NUB1: variants seen among roughly 807,000 people sequenced by gnomAD.
The protein encoded by NUB1 is NEDD8 ultimate buster 1.
In NUB1, 41 loss-of-function variants were observed where a neutral mutation model predicts 77.1. That is an observed-to-expected ratio of 0.53 (90% confidence interval 0.41 to 0.69). The LOEUF (loss-of-function observed/expected upper bound fraction) is 0.69. NUB1 is among the 30% of genes least tolerant of loss of function. The probability of loss-of-function intolerance (pLI) is 0.00; values close to 1 mark genes in which losing one functional copy is unlikely to be tolerated. For synonymous variants in NUB1, 257 were observed against 281.0 expected, an observed-to-expected ratio of 0.91 and a Z score of 0.85; for missense variants, 643 against 743.8, an observed-to-expected ratio of 0.86 and a Z score of 1.58.
At chr7:151,364,992 A>T (rs1290295273) in intron 8 of NUB1, among the ~76,000 whole-genome samples, 19 of 146,096 alleles carry the variant, frequency 1.3e-4, no homozygotes, top group Admixed American at 5.5e-4. Context: ...TATTTTTATA[A>T]TTTTTTTTTT....
chr7:151,353,832 C>T (rs1584944488), intron 5 of NUB1, among the ~76,000 whole-genome samples: 4 of 152,192 alleles, frequency 2.6e-5, no homozygotes, highest in Admixed American at 2.0e-4. Flanking sequence ...TAAGACAGCC[C>T]TTCACAGCTC....
rs540406081 is a variant in NUB1 at position 151,359,293 on chromosome 7, A to G, written c.694-848A>G. On this transcript the variant is annotated intron_variant, in intron 7 of 14. Coordinates refer to ENST00000568733, the MANE Select transcript of NUB1 (RefSeq NM_001243351.2). ...CTCTACTAAAAATACAAAAAAAAAA[A>G]TTAGCCAGGCGTGGTGGTGGGTACC... is the stretch of plus-strand genomic sequence containing the variant. Among the ~76,000 whole-genome samples the G allele has an allele frequency of 4.7e-5, 7 of 150,258 alleles. No individual in the cohort carries two copies. In the South Asian group the frequency reaches 1.5e-3, roughly 32 times the overall value.
intron 12 of NUB1, chr7:151,374,584 A>C: frequency 2.6e-6 from 1 of 383,586 alleles, no homozygotes; most frequent in East Asian, 4.8e-5. Context: ...TGGGAATTCA[A>C]CTTGTAGTAT....
At chr7:151,344,103 C>T (rs1393354133) in intron 1 of NUB1, among the ~76,000 whole-genome samples, 1 of 137,652 alleles carries the variant, frequency 7.3e-6, no homozygotes, top group Non-Finnish European at 1.5e-5. Context: ...ATGGCGTGAA[C>T]CCGGGAGGCG....
chr7:151,372,956 G>A lies in NUB1; in HGVS notation c.1249-1141G>A, dbSNP rs538481853. On this transcript the variant is annotated intron_variant, in intron 11 of 14. Transcript: ENST00000568733. ...AGAGACAGGCCATGAGTCTACAGAT[G>A]TCTTCATCCCTGGAGATGTTTCCAG... Among the ~76,000 whole-genome samples, 70 of 152,296 alleles carry A rather than the reference G, an allele frequency of 4.6e-4. 1 individual carries two copies. In the South Asian group the frequency reaches 0.014, roughly 30 times the overall value.
intron 12 of NUB1, among the ~76,000 whole-genome samples, chr7:151,375,503 G>A (rs904937389): frequency 2.0e-5 from 3 of 152,196 alleles, no homozygotes; most frequent in African/African-American, 7.2e-5. Context: ...AGGGCATGAC[G>A]CTTTCAAAGA....
In NUB1 at chr7:151,368,878, C is replaced by T; in HGVS notation, c.1239C>T (p.Asn413=). 6.2e-7 allele frequency: 1 copy of T among 1,612,408 alleles called. No homozygotes were observed. Among genetic ancestry groups the T allele is most frequent in the Non-Finnish European group, 8.5e-7 (1 of 1,179,276 alleles). Residue 413 remains asparagine (N), a synonymous_variant, in exon 11 of 15, where the codon AAC becomes AAT. Transcript: ENST00000568733. ...NVDHAATHIT[N]RREELAQIRK... ...ATCATGCGGCCACTCATATTACCAA[C>T]CGCAGAGAGGTACCCACTTTCACAT...
chr7:151,352,493 A>G (rs1796859468), intron 4 of NUB1: 1 of 307,376 alleles, frequency 3.3e-6, no homozygotes, highest in Non-Finnish European at 6.2e-6. Flanking sequence ...ACCCAAGCTG[A>G]AGCACAGTGG....
intron 1 of NUB1, among the ~76,000 whole-genome samples, chr7:151,342,487 C>A (rs1263861334): frequency 1.3e-5 from 2 of 152,194 alleles, no homozygotes; most frequent in Non-Finnish European, 2.9e-5. Flanking sequence ...TATAACGTTT[C>A]ACTTTCTGCT....
Position 151,376,753 on chromosome 7 carries a change from G to T in NUB1, c.1611G>T (p.Leu537=). 1.3e-6 allele frequency: 2 copies of T among 1,595,970 alleles called. No homozygotes were observed. Among genetic ancestry groups the T allele is most frequent in the Non-Finnish European group, 1.7e-6 (2 of 1,172,438 alleles). ...AHNGGSLPPE[L]PLSPEDSLSP... Reference sequence around the variant, plus strand: ...ACGGAGGAAGCCTGCCTCCCGAGCTGCCGCTGTCGCCAGAAGACTCTTTGT... The same window carrying T: ...ACGGAGGAAGCCTGCCTCCCGAGCTTCCGCTGTCGCCAGAAGACTCTTTGT... Residue 537 remains leucine, a synonymous_variant, in exon 14 of 15, where the codon CTG becomes CTT. Coordinates refer to ENST00000568733, the MANE Select transcript of NUB1 (RefSeq NM_001243351.2).
At chr7:151,344,661 T>TGTGAAA (rs1796395986) in intron 1 of NUB1, among the ~76,000 whole-genome samples, 1 of 151,780 alleles carries the variant, frequency 6.6e-6, no homozygotes, top group Non-Finnish European at 1.5e-5. Flanking sequence ...CAAGCTTTTC[T>TGTGAAA]TTATATTTAA....
At chr7:151,374,557 C>T (rs113373222) in intron 12 of NUB1, 51 of 419,196 alleles carry the variant, frequency 1.2e-4, no homozygotes, top group Middle Eastern at 6.4e-4. Context: ...GCAGTTTCCA[C>T]GGCAGAAAAA....
In NUB1 at chr7:151,349,218, T is replaced by TC. The variant is rs1206562825; in HGVS notation, c.263_264insC (p.Leu89PhefsTer9). On this transcript the variant is annotated frameshift_variant, in exon 3 of 15. Transcript: ENST00000568733. LOFTEE classifies it high-confidence loss of function. ...ACGGGAATTGCTACAATCGAGGTGT[T>TC]TTTACCACCAAGACTAAAAAAAGTG... The TC allele has an allele frequency of 6.2e-7, 1 of 1,611,404 alleles. No individual in the cohort carries two copies. Among genetic ancestry groups the TC allele is most frequent in the East Asian group, 2.2e-5 (1 of 44,842 alleles).
intron 11 of NUB1, among the ~76,000 whole-genome samples, chr7:151,373,306 TTTG>T (rs1306048196): frequency 6.6e-6 from 1 of 152,238 alleles, no homozygotes; most frequent in African/African-American, 2.4e-5. Flanking sequence ...TCAAACTTGC[TTTG>T]TTGTTGTTGT....
At chr7:151,358,166 G>A (rs1304957095) in intron 7 of NUB1, among the ~76,000 whole-genome samples, 1 of 151,320 alleles carries the variant, frequency 6.6e-6, no homozygotes, top group Admixed American at 6.6e-5. Flanking sequence ...GTAGAGACGG[G>A]GTTTCACCAT....
At chr7:151,353,122 A>G (rs1796896182) in intron 5 of NUB1, among the ~76,000 whole-genome samples, 1 of 152,224 alleles carries the variant, frequency 6.6e-6, no homozygotes, top group South Asian at 2.1e-4. Flanking sequence ...ATAAAATGTT[A>G]GAGAATGGAA....
chr7:151,364,442 C>A lies in NUB1; in HGVS notation c.801-2497C>A, dbSNP rs77063105. 3.9e-4 allele frequency among the ~76,000 whole-genome samples: 47 copies of A among 119,876 alleles called. No homozygotes were observed. In the East Asian group the frequency reaches 6.3e-3, roughly 16 times the overall value. The allele number at this position is 119,876 out of a possible 152,430, so 78.6% of individuals were successfully genotyped here. On this transcript the variant is annotated intron_variant, in intron 8 of 14. Transcript: ENST00000568733. Reference sequence around the variant, plus strand: ...TCTCAAAAACAAAAACAAAAAAAAACAAAAAAAAAAACAAAAAAACTGTAA... The same window carrying A: ...TCTCAAAAACAAAAACAAAAAAAAAAAAAAAAAAAAACAAAAAAACTGTAA...
At chr7:151,356,909 G>C (rs1400186766) in intron 7 of NUB1, among the ~76,000 whole-genome samples, 1 of 152,206 alleles carries the variant, frequency 6.6e-6, no homozygotes, top group East Asian at 1.9e-4. Flanking sequence ...TAGAGACAGG[G>C]TTTCTCCATG....
chr7:151,345,405 G>T lies in NUB1; in HGVS notation c.56G>T (p.Arg19Met), dbSNP rs752053676. 41 of 1,612,648 alleles carry T rather than the reference G, an allele frequency of 2.5e-5. No individual in the cohort carries two copies. Among genetic ancestry groups the T allele is most frequent in the Non-Finnish European group, 3.2e-5 (38 of 1,179,384 alleles). The change falls in exon 2 of 15, where the codon AGG (arginine) becomes ATG (methionine). Residue 19 changes from arginine (R) to methionine (M), a missense_variant. Arg to Met is a moderately conservative substitution (Grantham distance 91). Coordinates refer to ENST00000568733, the MANE Select transcript of NUB1 (RefSeq NM_001243351.2). ...AKLTQFLRED[R>M]IQLWKPPYTD... ...TTGACCCAGTTTTTAAGGGAAGACA[G>T]GATTCAACTTTGGAAACCTCCATAT...
Sources: gnomAD v4.1 joint callset for allele counts (sites outside exome capture counted in the v4.1 genomes callset) on GRCh38, gnomAD v4.1.1 for gene constraint, MANE v1.5 for transcripts, NCBI Gene and HGNC (gene_info 2026-07-23, HGNC 2026-07-21) for gene names.